Variants in TEAD3 observed in about 807,000 individuals in gnomAD.
TEAD3 encodes the protein transcriptional enhancer factor TEF-5.
In TEAD3, 15 loss-of-function variants were observed where a neutral mutation model predicts 55.6. That is an observed-to-expected ratio of 0.27 (90% CI 0.18 to 0.42). The LOEUF is 0.42. TEAD3 is among the 10% of genes least tolerant of loss of function. The probability of loss-of-function intolerance (pLI) is 1.00; values close to 1 mark genes in which losing one functional copy is unlikely to be tolerated. For synonymous variants in TEAD3, 210 were observed against 232.2 expected, an observed-to-expected ratio of 0.90 and a Z score of 0.87; for missense variants, 407 against 576.8, an observed-to-expected ratio of 0.71 and a Z score of 3.01.
Position 35,475,070 on chromosome 6 carries a change from G to T in TEAD3, c.1282C>A (p.His428Asn). The change falls in exon 13 of 13, where the codon CAT becomes AAT. Residue 428 changes from histidine (H) to asparagine (N), a missense_variant. His to Asn is a moderately conservative substitution (Grantham distance 68). Transcript: ENST00000639578. The surrounding 1 kb of genome is among the most constrained non-coding windows in gnomAD (Gnocchi z 5.4). ...TAGTCTTTGACGAGCTTGTAGACAT[G>T]GTGCTGGGCCCCGTGCTCACTGGTG... 1 of 1,594,244 alleles carries T rather than the reference G, an allele frequency of 6.3e-7. No individual in the cohort carries two copies. The highest frequency in any genetic ancestry group is 8.5e-7 in the Non-Finnish European group (1 of 1,169,970).
At position 35,475,185 on chromosome 6, in the gene TEAD3, G is replaced by A; in HGVS notation, c.1195-28C>T. 6.4e-7 allele frequency: 1 copy of A among 1,568,550 alleles called. No individual in the cohort carries two copies. The highest frequency in any genetic ancestry group is 8.7e-7 in the Non-Finnish European group (1 of 1,156,016). ...GGGGGGTGAGCAGGTAAGAGATTCA[G>A]GAGGTCAGGGAGAAAAGGGCCACGG... On this transcript the variant is annotated intron_variant, in intron 12 of 12. Coordinates refer to ENST00000639578, the Ensembl canonical transcript of TEAD3. The surrounding 1 kb of genome is among the most constrained non-coding windows in gnomAD (Gnocchi z 5.4).
At chr6:35,489,789 A>G (rs1224181223) in intron 1 of TEAD3, among the ~76,000 whole-genome samples, 4 of 152,176 alleles carry the variant, frequency 2.6e-5, no homozygotes, top group Non-Finnish European at 5.9e-5. Flanking sequence ...GCTCACGACT[A>G]TAATCCCAGC....
At chr6:35,479,952 A>G (rs752942668) in intron 4 of TEAD3, 2 of 990,266 alleles carry the variant, frequency 2.0e-6, no homozygotes, top group Admixed American at 5.0e-5. Context: ...GGACCCCCTC[A>G]CAGCTTCTCA....
intron 3 of TEAD3, among the ~76,000 whole-genome samples, chr6:35,480,588 C>A (rs1244042193): frequency 6.6e-6 from 1 of 152,202 alleles, no homozygotes; most frequent in Non-Finnish European, 1.5e-5. Context: ...CACAGCCTCC[C>A]GAGTAGCTAT....
At position 35,486,558 on chromosome 6, in the gene TEAD3, C is replaced by T; in HGVS notation, c.105G>A (p.Trp35Ter). Residue 35 changes from tryptophan (W) to a stop codon, truncating the protein, a stop_gained, in exon 2 of 13, where the codon TGG becomes TGA. Coordinates refer to ENST00000639578, the Ensembl canonical transcript of TEAD3. LOFTEE classifies it high-confidence loss of function. This position sits in a 1 kb window ranked among gnomAD's most constrained non-coding sequence, Gnocchi z 7.3. ...GGAAGCTCTGCTCGATGTCCGGGCT[C>T]CACACGCCCTCCGCATCGTTGTCCA... 1 of 1,613,664 alleles carries T rather than the reference C, an allele frequency of 6.2e-7. No individual in the cohort carries two copies. Among genetic ancestry groups the T allele is most frequent in the Non-Finnish European group, 8.5e-7 (1 of 1,179,812 alleles).
chr6:35,475,288 G>C lies in TEAD3; in HGVS notation c.1194+48C>G. 6.2e-7 allele frequency: 1 copy of C among 1,607,666 alleles called. No individual in the cohort carries two copies. Among genetic ancestry groups the C allele is most frequent in the Non-Finnish European group, 8.5e-7 (1 of 1,176,034 alleles). On this transcript the variant is annotated intron_variant, in intron 12 of 12. Transcript: ENST00000639578. This position sits in a 1 kb window ranked among gnomAD's most constrained non-coding sequence, Gnocchi z 5.4. ...AGCGATGTGTCTGGCTACCCAACTT[G>C]GAGGCCCTGGCCTGTGGGACTCCCC...
intron 1 of TEAD3, among the ~76,000 whole-genome samples, chr6:35,495,088 G>A (rs1768611977): frequency 6.6e-6 from 1 of 152,218 alleles, no homozygotes; most frequent in Non-Finnish European, 1.5e-5. Context: ...TTCATTCCAA[G>A]CAGGGAAACT....
chr6:35,478,156 G>T, intron 7 of TEAD3, 119 bp downstream of exon 7: 2 of 1,258,854 alleles, frequency 1.6e-6, no homozygotes, highest in Non-Finnish European at 1.1e-6. Flanking sequence ...CACCCAGCCT[G>T]CATCCCTCTA....
intron 1 of TEAD3, among the ~76,000 whole-genome samples, chr6:35,493,445 C>T (rs1038177600): frequency 1.3e-5 from 2 of 152,126 alleles, no homozygotes; most frequent in African/African-American, 2.4e-5. Flanking sequence ...CAGATAGTGA[C>T]CACCCACCCA....
At chr6:35,489,848 A>G (rs1768470801) in intron 1 of TEAD3, among the ~76,000 whole-genome samples, 1 of 152,230 alleles carries the variant, frequency 6.6e-6, no homozygotes, top group South Asian at 2.1e-4. Context: ...AGCCTGGACA[A>G]CATAGTGAAA....
intron 1 of TEAD3, among the ~76,000 whole-genome samples, chr6:35,490,254 G>T (rs928585230): frequency 2.0e-5 from 3 of 152,196 alleles, no homozygotes; most frequent in African/African-American, 7.2e-5. Flanking sequence ...GCCAAATATG[G>T]CGAACACAGC....
chr6:35,478,228 GGCT>G (rs770608170), intron 7 of TEAD3, 44 bp downstream of exon 7: 188 of 1,609,530 alleles, frequency 1.2e-4, no homozygotes, highest in Non-Finnish European at 1.4e-4. Flanking sequence ...AGCCCTGTGC[GGCT>G]GCCAGGAGGA....
Position 35,496,235 on chromosome 6 carries a change from A to G in TEAD3, c.-50+663T>C, listed in dbSNP as rs529953771. ...AAGGCCCCAAATCCAGACCCCTCCG[A>G]GCCAAGCTCACAGCGCTCAGGGCTG... On this transcript the variant is annotated intron_variant, in intron 1 of 12. Coordinates refer to ENST00000639578, the Ensembl canonical transcript of TEAD3. This position sits in a 1 kb window ranked among gnomAD's most constrained non-coding sequence, Gnocchi z 4.8. Among the ~76,000 whole-genome samples, 66 of 152,290 alleles carry G rather than the reference A, an allele frequency of 4.3e-4. No homozygotes were observed. Among genetic ancestry groups the G allele is most frequent in the Non-Finnish European group, 7.1e-4 (48 of 68,000 alleles).
Position 35,475,540 on chromosome 6 carries a change from C to A in TEAD3, c.1041+26G>T. Reference sequence around the variant, plus strand: ...CTCGGCCTGCCTGCTCCCAGCCCCACCAAGCCACCCAGAGCCCCCACTCAC... The same window carrying A: ...CTCGGCCTGCCTGCTCCCAGCCCCAACAAGCCACCCAGAGCCCCCACTCAC... On this transcript the variant is annotated intron_variant, in intron 11 of 12. Transcript: ENST00000639578. This position sits in a 1 kb window ranked among gnomAD's most constrained non-coding sequence, Gnocchi z 5.4. The A allele has an allele frequency of 1.9e-6, 3 of 1,603,986 alleles. No homozygotes were observed. Among genetic ancestry groups the A allele is most frequent in the African/African-American group, 2.7e-5 (2 of 74,918 alleles).
Position 35,475,225 on chromosome 6 carries a change from C to T in TEAD3, c.1195-68G>A, listed in dbSNP as rs961903562. 6.3e-7 allele frequency: 1 copy of T among 1,582,024 alleles called. No homozygotes were observed. The highest frequency in any genetic ancestry group is 1.3e-5 in the African/African-American group (1 of 74,238). ...AAGGGCCACGGGGCAGGGGGCTGAACAGACCATTCTCCTTTCCGGATCTAT... is the reference window on the plus strand; with the variant it reads ...AAGGGCCACGGGGCAGGGGGCTGAATAGACCATTCTCCTTTCCGGATCTAT... On this transcript the variant is annotated intron_variant, in intron 12 of 12. Coordinates refer to ENST00000639578, the Ensembl canonical transcript of TEAD3. The surrounding 1 kb of genome is among the most constrained non-coding windows in gnomAD (Gnocchi z 5.4).
chr6:35,492,172 C>T (rs1197228733), intron 1 of TEAD3, among the ~76,000 whole-genome samples: 1 of 152,324 alleles, frequency 6.6e-6, no homozygotes, highest in East Asian at 1.9e-4. Context: ...GGAGTGAGAA[C>T]ATCACTCAAA....
chr6:35,489,220 C>T (rs1768452374), intron 1 of TEAD3, among the ~76,000 whole-genome samples: 2 of 152,156 alleles, frequency 1.3e-5, no homozygotes, highest in Admixed American at 1.3e-4. Context: ...TCATTTAATC[C>T]TCACAATAAC....
intron 3 of TEAD3, among the ~76,000 whole-genome samples, chr6:35,481,381 C>T (rs114126270): frequency 0.014 from 2,177 of 152,202 alleles, 59 homozygotes; most frequent in African/African-American, 0.046. Context: ...GCTTTCTTTG[C>T]GAGTTGTTTT....
intron 1 of TEAD3, among the ~76,000 whole-genome samples, chr6:35,487,325 G>A (rs956911040): frequency 6.6e-5 from 10 of 152,106 alleles, no homozygotes; most frequent in African/African-American, 1.7e-4. Flanking sequence ...AGGCCGAGGT[G>A]GTTGGATCAT....
Sources: gnomAD v4.1 joint callset for allele counts (sites outside exome capture counted in the v4.1 genomes callset) on GRCh38, gnomAD v4.1.1 for gene constraint, Gnocchi (gnomAD v3.1) non-coding constraint, MANE v1.5 for transcripts, NCBI Gene and HGNC (gene_info 2026-07-23, HGNC 2026-07-21) for gene names.